MALRD1: variants seen among roughly 807,000 people sequenced by gnomAD.
The protein encoded by MALRD1 is MAM and LDL receptor class A domain containing 1, also known as MAM and LDL-receptor class A domain-containing protein 1.
A neutral mutation model predicts 242.1 loss-of-function variants in MALRD1; 247 were observed. The ratio of observed to expected loss-of-function variants is 1.02; its 90% CI spans 0.92 to 1.13. MALRD1 has a LOEUF of 1.13. Among genes scored for constraint, MALRD1 ranks in the 50% most tolerant of loss-of-function variants. The pLI, the probability that MALRD1 is intolerant of heterozygous loss-of-function variation, is 0.00. For synonymous variants in MALRD1, 995 were observed against 866.6 expected (o/e 1.15, Z -2.60); for missense variants, 2,989 against 2,533.1 (o/e 1.18, Z -3.86).
At chr10:19,506,251 TA>T (rs1469980941) in intron 31 of MALRD1, among the ~76,000 whole-genome samples, 1 of 152,190 alleles carries the variant, frequency 6.6e-6, no homozygotes, top group African/African-American at 2.4e-5. Flanking sequence ...TTTAAATGAA[TA>T]ACCAAGAATC....
At chr10:19,095,475 G>A (rs892770998) in intron 4 of MALRD1, among the ~76,000 whole-genome samples, 2 of 152,148 alleles carry the variant, frequency 1.3e-5, no homozygotes, top group African/African-American at 4.8e-5. Context: ...AGTGTGGGTG[G>A]TTAGAAAATC....
chr10:19,324,004 G>A lies in MALRD1; in HGVS notation c.3475G>A (p.Asp1159Asn), dbSNP rs1217392289. 2 of 1,550,818 alleles carry A rather than the reference G, an allele frequency of 1.3e-6. No homozygotes were observed. The highest frequency in any genetic ancestry group is 2.0e-5 in the Admixed American group (1 of 50,994). Residue 1159 changes from aspartate (D) to asparagine (N), a missense_variant, in exon 22 of 40, where the codon GAC becomes AAC. Transcript: ENST00000454679. ...TGACAGTTCTAATGGGAAATTTGGT[G>A]ACACGGCTGACATTCTCACTCCTAT... The part of the protein sequence containing the change: ...YADSSNGKFG[D>N]TADILTPIIS...
intron 33 of MALRD1, among the ~76,000 whole-genome samples, chr10:19,573,898 TA>T (rs1295217369): frequency 2.0e-5 from 3 of 152,114 alleles, no homozygotes; most frequent in African/African-American, 7.2e-5. Flanking sequence ...TATGGGCACT[TA>T]TTCCCCACCC....
chr10:19,580,782 T>C (rs1301215800), intron 33 of MALRD1, among the ~76,000 whole-genome samples: 25 of 152,168 alleles, frequency 1.6e-4, no homozygotes, highest in Non-Finnish European at 3.7e-4. Flanking sequence ...GGACATAAGT[T>C]CTGGAAAATT....
intron 4 of MALRD1, among the ~76,000 whole-genome samples, chr10:19,096,785 A>T (rs1162334628): frequency 1.3e-5 from 2 of 152,198 alleles, no homozygotes; most frequent in Non-Finnish European, 2.9e-5. Flanking sequence ...AATAGCTTAA[A>T]AGCCATGCAT....
At chr10:19,390,080 A>G (rs574245605) in intron 28 of MALRD1, among the ~76,000 whole-genome samples, 6 of 152,300 alleles carry the variant, frequency 3.9e-5, no homozygotes, top group African/African-American at 1.2e-4. Context: ...AAGCTGAGAC[A>G]TGAGAACCAG....
intron 24 of MALRD1, 71 bp from the exon 25 acceptor site, chr10:19,347,700 G>C: frequency 6.7e-6 from 10 of 1,496,746 alleles, no homozygotes; most frequent in Non-Finnish European, 9.0e-6. Context: ...GATCACTGCA[G>C]TTTTGAATTG....
At chr10:19,050,696 T>C (rs1286951531) in intron 1 of MALRD1, among the ~76,000 whole-genome samples, 1 of 152,198 alleles carries the variant, frequency 6.6e-6, no homozygotes, top group Admixed American at 6.5e-5. Flanking sequence ...CCAGAGACGC[T>C]AACTGTGGGC....
chr10:19,709,222 A>G (rs1178385164), intron 38 of MALRD1, among the ~76,000 whole-genome samples: 1 of 148,066 alleles, frequency 6.8e-6, no homozygotes, highest in Non-Finnish European at 1.5e-5. Flanking sequence ...CTTGGCTAAC[A>G]TGGTGAAACC....
rs148831281 is a variant in MALRD1 at position 19,585,322 on chromosome 10, G to A, written c.5681-9872G>A. On this transcript the variant is annotated intron_variant, in intron 33 of 39. Transcript: ENST00000454679. ...GTTGATGTAGTTTCTTTCTAGTCTC[G>A]ATGGTCTTTACATTTTGGCATGATT... Among the ~76,000 whole-genome samples, 423 of 152,122 alleles carry A rather than the reference G, an allele frequency of 2.8e-3. 2 individuals carry two copies. The highest frequency in any genetic ancestry group is 9.4e-3 in the African/African-American group (392 of 41,492).
At chr10:19,573,797 C>T (rs1786505655) in intron 33 of MALRD1, among the ~76,000 whole-genome samples, 1 of 152,054 alleles carries the variant, frequency 6.6e-6, no homozygotes, top group Non-Finnish European at 1.5e-5. Flanking sequence ...AAACATGCTG[C>T]ATCTGAAACT....
intron 35 of MALRD1, among the ~76,000 whole-genome samples, chr10:19,614,918 T>G (rs1269880464): frequency 1.3e-5 from 2 of 151,932 alleles, no homozygotes; most frequent in African/African-American, 4.8e-5. Flanking sequence ...AGAGAAATAT[T>G]TCAGTAAACA....
chr10:19,447,103 G>C (rs996366877), intron 28 of MALRD1, among the ~76,000 whole-genome samples: 1 of 130,054 alleles, frequency 7.7e-6, no homozygotes, highest in Admixed American at 7.8e-5. Flanking sequence ...CACACACACA[G>C]AGCATGAGCA....
At chr10:19,479,296 C>T (rs374437521) in intron 29 of MALRD1, among the ~76,000 whole-genome samples, 4 of 152,234 alleles carry the variant, frequency 2.6e-5, no homozygotes, top group African/African-American at 9.6e-5. Context: ...ATTAGGATAT[C>T]TGGAGCCCCA....
At chr10:19,709,769 C>G (rs964784948) in intron 38 of MALRD1, among the ~76,000 whole-genome samples, 1 of 152,044 alleles carries the variant, frequency 6.6e-6, no homozygotes, top group African/African-American at 2.4e-5. Flanking sequence ...TAAAAAGATG[C>G]CTAATTTACA....
chr10:19,454,657 A>G (rs1293556541), intron 29 of MALRD1, among the ~76,000 whole-genome samples: 2 of 150,930 alleles, frequency 1.3e-5, no homozygotes, highest in Non-Finnish European at 2.9e-5. Flanking sequence ...AACCCACTGT[A>G]AAGTTGAAGG....
At position 19,052,844 on chromosome 10, in the gene MALRD1, C is replaced by A. The variant is rs541583017; in HGVS notation, c.199+3707C>A. On this transcript the variant is annotated intron_variant, in intron 1 of 39. Transcript: ENST00000454679. Reference sequence around the variant, plus strand: ...TGAGATTGGCCTTTGGTAAGGAATTCAGGGCTTTTGGCATATCTTCTCTCC... The same window carrying A: ...TGAGATTGGCCTTTGGTAAGGAATTAAGGGCTTTTGGCATATCTTCTCTCC... Among the ~76,000 whole-genome samples the A allele has an allele frequency of 2.6e-5, 4 of 152,300 alleles. No homozygotes were observed. The South Asian group carries it at 8.3e-4, about 32-fold the overall frequency.
At position 19,245,700 on chromosome 10, in the gene MALRD1, C is replaced by T. The variant is rs16918391; in HGVS notation, c.2992-11984C>T. On this transcript the variant is annotated intron_variant, in intron 18 of 39. Transcript: ENST00000454679. The stretch of plus-strand genomic sequence containing the variant: ...TTATCAGAAAAACCTAAAGTCTTCC[C>T]TACAAACACCAATATCAAAAGCTCC... Among the ~76,000 whole-genome samples, 1,296 of 152,202 alleles carry T rather than the reference C, an allele frequency of 8.5e-3. 15 individuals carry two copies. The highest frequency in any genetic ancestry group is 0.03 in the African/African-American group (1,227 of 41,536).
At chr10:19,141,959 T>G (rs1588606669) in intron 10 of MALRD1, among the ~76,000 whole-genome samples, 1 of 151,396 alleles carries the variant, frequency 6.6e-6, no homozygotes, top group Non-Finnish European at 1.5e-5. Flanking sequence ...GATCACGAGG[T>G]CAGGAGATCC....
Sources: gnomAD v4.1 joint callset for allele counts (sites outside exome capture counted in the v4.1 genomes callset) on GRCh38, gnomAD v4.1.1 for gene constraint, MANE v1.5 for transcripts, NCBI Gene and HGNC (gene_info 2026-07-23, HGNC 2026-07-21) for gene names.